BCAP31: variants seen among roughly 807,000 people sequenced by gnomAD.
The protein encoded by BCAP31 is B cell receptor associated protein 31.
For missense variants in BCAP31, 124 were observed against 193.0 expected (o/e 0.64, Z 2.12); for synonymous variants, 75 against 80.9 (o/e 0.93, Z 0.39).
chrX:153,709,051 T>C (rs1557048697), intron 4 of BCAP31, among the ~76,000 whole-genome samples: 1 of 112,003 alleles, frequency 8.9e-6, no homozygotes, highest in African/African-American at 3.2e-5. Context: ...CTGTCCTCCC[T>C]TCTTCTTGAG....
intron 5 of BCAP31, 116 bp from the exon 6 acceptor site, chrX:153,703,174 G>C: frequency 9.7e-7 from 1 of 1,034,149 alleles, no homozygotes; most frequent in Admixed American, 2.4e-5. Context: ...CGCCCCTTCG[G>C]AAATGTCAAC....
chrX:153,701,986 C>G, intron 7 of BCAP31, 21 bp downstream of exon 7: 1 of 1,201,638 alleles, frequency 8.3e-7, no homozygotes, highest in Non-Finnish European at 1.1e-6. Context: ...GCCCTGGGCG[C>G]AGCAATACGG....
intron 4 of BCAP31, chrX:153,705,525 C>T (rs781816174): frequency 8.8e-6 from 1 of 113,150 alleles, no homozygotes; most frequent in African/African-American, 3.2e-5. Flanking sequence ...GCTCAGGTTT[C>T]CCTGCCTCAG....
intron 4 of BCAP31, among the ~76,000 whole-genome samples, chrX:153,713,106 C>G (rs1557049444): frequency 9.0e-6 from 1 of 111,063 alleles, no homozygotes; most frequent in African/African-American, 3.3e-5. Context: ...ACTTGGGAGG[C>G]TGAGACAGGA....
At chrX:153,714,582 T>C (rs782487692) in intron 4 of BCAP31, among the ~76,000 whole-genome samples, 3 of 110,887 alleles carry the variant, frequency 2.7e-5, no homozygotes, top group African/African-American at 9.9e-5. Flanking sequence ...CAAGTAGTCA[T>C]CGTAGCGCCT....
chrX:153,702,142 C>T (rs782801200), intron 6 of BCAP31, 35 bp from the exon 7 acceptor site: 5 of 1,146,381 alleles, frequency 4.4e-6, no homozygotes, highest in East Asian at 3.0e-5. Flanking sequence ...AAAACAGAAA[C>T]GAAAAGACAG....
chrX:153,704,117 G>A, intron 4 of BCAP31, 23 bp from the exon 5 acceptor site: 1 of 1,198,906 alleles, frequency 8.3e-7, no homozygotes, highest in Non-Finnish European at 1.1e-6. Context: ...ACAAAAAGAA[G>A]GGAGAAGTGA....
Position 153,723,468 on chromosome X carries a change from G to A in BCAP31, c.-44-180C>T. On this transcript the variant is annotated intron_variant, in intron 1 of 7. Transcript: ENST00000345046. Reference sequence around the variant, plus strand: ...TCGGCAGGGCCTCTTGGCCAGCAGCGTTCACAGGCCCCACAAACTTCCGTT... The same window carrying A: ...TCGGCAGGGCCTCTTGGCCAGCAGCATTCACAGGCCCCACAAACTTCCGTT... 2.6e-6 allele frequency: 3 copies of A among 1,147,450 alleles called. No homozygotes were observed. In the South Asian group the frequency reaches 5.9e-5, roughly 22 times the overall value. 94.6% of individuals were successfully genotyped at this position (1,147,450 alleles called of 1,213,427 possible).
At chrX:153,723,832 C>A (rs1322851783) in intron 1 of BCAP31, 12 of 687,865 alleles carry the variant, frequency 1.7e-5, no homozygotes, top group Non-Finnish European at 2.6e-5. Context: ...CGGCACCTCC[C>A]TCGAGGATCC....
chrX:153,710,202 G>A (rs55719254), intron 4 of BCAP31, among the ~76,000 whole-genome samples: 2,090 of 111,865 alleles, frequency 0.019, 52 homozygotes, highest in African/African-American at 0.064. Flanking sequence ...GCGTCCTGGA[G>A]GATCCATGTG....
At chrX:153,712,867 G>A (rs1309687258) in intron 4 of BCAP31, among the ~76,000 whole-genome samples, 3 of 112,000 alleles carry the variant, frequency 2.7e-5, no homozygotes, top group Non-Finnish European at 5.6e-5. Context: ...CTCTTGTCCA[G>A]CCTTATGGCC....
rs139540696 is a variant in BCAP31, at chrX:153,722,407, A to G, written c.92+746T>C. 1.9e-4 allele frequency among the ~76,000 whole-genome samples: 21 copies of G among 111,436 alleles called. No individual in the cohort carries two copies. The East Asian group carries it at 5.9e-3, about 31-fold the overall frequency. On this transcript the variant is annotated intron_variant, in intron 2 of 7. Coordinates refer to ENST00000345046, the MANE Select transcript of BCAP31 (RefSeq NM_001256447.2). ...GTAGAAATCAGATTGTCTGTCCTCT[A>G]AAGCTTCCCAGATTAAAGCTCCCCG...
At chrX:153,717,809 G>A in intron 3 of BCAP31, among the ~76,000 whole-genome samples, 1 of 112,375 alleles carries the variant, frequency 8.9e-6, no homozygotes, top group Non-Finnish European at 1.9e-5. Flanking sequence ...CACGAAGCGA[G>A]TACTCTCAAA....
chrX:153,706,724 T>C (rs1182202977), intron 4 of BCAP31, among the ~76,000 whole-genome samples: 4 of 112,623 alleles, frequency 3.6e-5, no homozygotes, highest in African/African-American at 1.3e-4. Flanking sequence ...TCCCTTGTCC[T>C]GCCTGACCTG....
intron 4 of BCAP31, among the ~76,000 whole-genome samples, chrX:153,707,518 C>T (rs782274563): frequency 9.0e-6 from 1 of 111,648 alleles, no homozygotes; most frequent in South Asian, 3.7e-4. Flanking sequence ...GCCTAGACTG[C>T]ACCTGTGTTC....
intron 5 of BCAP31, among the ~76,000 whole-genome samples, chrX:153,703,318 G>A (rs1557047802): frequency 9.2e-6 from 1 of 108,984 alleles, no homozygotes; most frequent in African/African-American, 3.6e-5. Context: ...CCTGGCCCCT[G>A]GCCCCTGGCC....
At position 153,702,399 on chromosome X, in the gene BCAP31, T is replaced by C. The variant is rs1277539956; in HGVS notation, c.602-292A>G. Reference sequence around the variant, plus strand: ...CGGCAAGGGTAACCTCCAGGGAGGCTGAGAGTGGGAGACAGGGAGCAAGAT... The same window carrying C: ...CGGCAAGGGTAACCTCCAGGGAGGCCGAGAGTGGGAGACAGGGAGCAAGAT... On this transcript the variant is annotated intron_variant, in intron 6 of 7. Coordinates refer to ENST00000345046, the MANE Select transcript of BCAP31 (RefSeq NM_001256447.2). 18 of 260,843 alleles carry C rather than the reference T, an allele frequency of 6.9e-5. No homozygotes were observed. In the Admixed American group the frequency reaches 1.1e-3, roughly 15 times the overall value. The allele number at this position is 260,843 out of a possible 1,213,427, so 21.5% of individuals were successfully genotyped here. A position where few individuals can be genotyped will look rare whatever the true frequency, so the allele number is the denominator to read the frequency against.
At position 153,700,824 on chromosome X, in the gene BCAP31, G is replaced by C. The variant is rs1257822240; in HGVS notation, c.*113C>G. On this transcript the variant is annotated 3_prime_UTR_variant, in exon 8 of 8. Transcript: ENST00000345046. The stretch of plus-strand genomic sequence containing the variant: ...CGAGCTATGAGCTGTGGAAGGGAAT[G>C]GGGGAAGCAGAAGGGCACAAACAGA... The C allele has an allele frequency of 9.4e-6, 7 of 743,813 alleles. No homozygotes were observed. The highest frequency in any genetic ancestry group is 2.7e-5 in the Admixed American group (1 of 37,709). 61.3% of individuals were successfully genotyped at this position (743,813 alleles called of 1,213,427 possible).
intron 3 of BCAP31, among the ~76,000 whole-genome samples, chrX:153,717,581 T>C (rs1186709655): frequency 2.7e-5 from 3 of 112,370 alleles, no homozygotes; most frequent in Admixed American, 9.4e-5. Context: ...ACTCAGTTAA[T>C]TTTTTCTTTT....
Sources: gnomAD v4.1 joint callset for allele counts (sites outside exome capture counted in the v4.1 genomes callset) on GRCh38, gnomAD v4.1.1 for gene constraint, MANE v1.5 for transcripts, NCBI Gene and HGNC (gene_info 2026-07-23, HGNC 2026-07-21) for gene names.